The following ZFAT variants were observed in gnomAD, a reference collection of about 807,000 sequenced individuals.
ZFAT encodes zinc finger and AT-hook domain containing, also known as zinc finger protein ZFAT.
ZFAT carries 64 observed loss-of-function variants against 117.7 expected under a neutral mutation model. The ratio of observed to expected loss-of-function variants is 0.54; its 90% CI spans 0.44 to 0.67. The LOEUF (loss-of-function observed/expected upper bound fraction) is 0.67. Among genes scored for constraint, ZFAT ranks in the 30% least tolerant of loss-of-function variants. The pLI, the probability that ZFAT is intolerant of heterozygous loss-of-function variation, is 0.00. For synonymous variants in ZFAT, 679 were observed against 615.0 expected, an observed-to-expected ratio of 1.10 and a Z score of -1.54; for missense variants, 1,433 against 1,584.5, an observed-to-expected ratio of 0.90 and a Z score of 1.62.
chr8:134,600,204 A>T (rs1586787917), intron 7 of ZFAT: 1 of 556,974 alleles, frequency 1.8e-6, no homozygotes, highest in Non-Finnish European at 3.2e-6. Flanking sequence ...TGCTAAAAAA[A>T]TTTGCACAGG....
intron 13 of ZFAT, among the ~76,000 whole-genome samples, chr8:134,519,395 T>C (rs1376564419): frequency 6.6e-6 from 1 of 152,222 alleles, no homozygotes; most frequent in Non-Finnish European, 1.5e-5. Flanking sequence ...CTGTATCAAA[T>C]GGGGGTTTTG....
chr8:134,668,304 C>A (rs796675939), intron 1 of ZFAT, among the ~76,000 whole-genome samples: 9 of 152,222 alleles, frequency 5.9e-5, no homozygotes, highest in African/African-American at 1.4e-4. Context: ...ACGGACAGAC[C>A]CTCAAGTGGG....
chr8:134,541,681 A>G (rs1432807388), intron 11 of ZFAT, among the ~76,000 whole-genome samples: 1 of 152,248 alleles, frequency 6.6e-6, no homozygotes, highest in African/African-American at 2.4e-5. Context: ...GGAGAATACC[A>G]GTGTCTGAGT....
At chr8:134,608,942 G>T in intron 4 of ZFAT, 63 bp from the exon 5 acceptor site, 2 of 1,536,948 alleles carry the variant, frequency 1.3e-6, no homozygotes, top group Non-Finnish European at 1.7e-6. Flanking sequence ...TGACCCCATC[G>T]CAGCAGAGGG....
At chr8:134,629,676 T>C (rs894446555) in intron 3 of ZFAT, among the ~76,000 whole-genome samples, 5 of 152,214 alleles carry the variant, frequency 3.3e-5, no homozygotes, top group Non-Finnish European at 5.9e-5. Context: ...CCTGCCACCA[T>C]ATAAAGACGG....
the ZFAT span, among the ~76,000 whole-genome samples, chr8:134,805,926 G>T: frequency 2.1e-4 from 32 of 152,094 alleles, no homozygotes; most frequent in African/African-American, 7.7e-4. Context: ...GCAGTGAGCT[G>T]AGCTCATGCC....
At chr8:134,659,034 C>T (rs1403377708) in intron 1 of ZFAT, among the ~76,000 whole-genome samples, 3 of 152,234 alleles carry the variant, frequency 2.0e-5, no homozygotes, top group African/African-American at 2.4e-5. Context: ...TGGCTCCCTT[C>T]GGCATCCCCC....
In ZFAT at chr8:134,712,996, G is replaced by A; in HGVS notation, c.-133C>T. ...ATTTTTTTAAGAAAAGAGCCGGCGA[G>A]GTTATGGCGAATCTGCGGCATCCAA... On this transcript the variant is annotated 5_prime_UTR_variant, in exon 1 of 16. Coordinates refer to ENST00000377838, the MANE Select transcript of ZFAT (RefSeq NM_020863.4). 6.3e-6 allele frequency: 7 copies of A among 1,103,928 alleles called. No individual in the cohort carries two copies. The highest frequency in any genetic ancestry group is 8.4e-6 in the Non-Finnish European group (7 of 833,650). The allele number at this position is 1,103,928 out of a possible 1,614,324, so 68.4% of individuals were successfully genotyped here.
Position 134,657,560 on chromosome 8 carries a change from C to T in ZFAT, c.196+1G>A, listed in dbSNP as rs769350371. The T allele has an allele frequency of 1.2e-6, 2 of 1,608,494 alleles. No individual in the cohort carries two copies. The highest frequency in any genetic ancestry group is 8.5e-7 in the Non-Finnish European group (1 of 1,175,988). Reference sequence around the variant, plus strand: ...CCTGCCCCACCCCCCAGCCCCCTTACCATCTCCGGTTTTGCTTGAGTTGGG... The same window carrying T: ...CCTGCCCCACCCCCCAGCCCCCTTATCATCTCCGGTTTTGCTTGAGTTGGG... On this transcript the variant is annotated splice_donor_variant, in intron 2 of 15. Coordinates refer to ENST00000377838, the MANE Select transcript of ZFAT (RefSeq NM_020863.4). LOFTEE classifies it high-confidence loss of function.
At chr8:134,484,277 T>C (rs942041849) in intron 15 of ZFAT, among the ~76,000 whole-genome samples, 1 of 152,206 alleles carries the variant, frequency 6.6e-6, no homozygotes, top group Non-Finnish European at 1.5e-5. Context: ...AGGCACATAG[T>C]AGGTGATGGT....
At chr8:134,502,599 C>T (rs1023924253) in intron 15 of ZFAT, among the ~76,000 whole-genome samples, 4 of 152,232 alleles carry the variant, frequency 2.6e-5, no homozygotes, top group Admixed American at 2.0e-4. Flanking sequence ...TCTCCCAACA[C>T]TGCCAACCAT....
At chr8:134,585,662 G>C (rs906513004) in intron 9 of ZFAT, among the ~76,000 whole-genome samples, 1 of 152,160 alleles carries the variant, frequency 6.6e-6, no homozygotes, top group Non-Finnish European at 1.5e-5. Flanking sequence ...CACTTCCGTG[G>C]ACTCTGTGAC....
intron 2 of ZFAT, among the ~76,000 whole-genome samples, chr8:134,647,861 G>C (rs1163769198): frequency 6.6e-6 from 1 of 151,938 alleles, no homozygotes; most frequent in Non-Finnish European, 1.5e-5. Context: ...ACAAATAAAT[G>C]GAAAGATATC....
chr8:134,625,419 G>A (rs1408140650), intron 3 of ZFAT, among the ~76,000 whole-genome samples: 1 of 152,122 alleles, frequency 6.6e-6, no homozygotes, highest in Non-Finnish European at 1.5e-5. Flanking sequence ...TTCTCCCCCA[G>A]TCCCAAGTCA....
At chr8:134,649,032 C>T (rs1294500789) in intron 2 of ZFAT, among the ~76,000 whole-genome samples, 6 of 151,942 alleles carry the variant, frequency 3.9e-5, no homozygotes, top group Non-Finnish European at 8.8e-5. Flanking sequence ...AAAAAAACCA[C>T]ATGGTCATCT....
chr8:134,494,522 C>T (rs990748246), intron 15 of ZFAT, among the ~76,000 whole-genome samples: 1 of 152,298 alleles, frequency 6.6e-6, no homozygotes, highest in South Asian at 2.1e-4. Flanking sequence ...AAGCAATCTG[C>T]TTCCACTAGC....
intron 1 of ZFAT, among the ~76,000 whole-genome samples, chr8:134,683,782 G>A (rs1265467720): frequency 6.6e-6 from 1 of 152,098 alleles, no homozygotes; most frequent in East Asian, 1.9e-4. Context: ...TCTGGAGACA[G>A]GGGGTGGGGC....
At chr8:134,594,072 C>A (rs1024285477) in intron 7 of ZFAT, among the ~76,000 whole-genome samples, 2 of 152,244 alleles carry the variant, frequency 1.3e-5, no homozygotes, top group African/African-American at 4.8e-5. Context: ...TTCCTTTCCA[C>A]TGGAAATAGT....
At chr8:134,514,928 T>C (rs1308458799) in intron 13 of ZFAT, among the ~76,000 whole-genome samples, 3 of 152,292 alleles carry the variant, frequency 2.0e-5, no homozygotes, top group East Asian at 3.9e-4. Flanking sequence ...TCATCTACAT[T>C]AGGTATTTCT....
Sources: allele counts gnomAD v4.1 joint callset (sites outside exome capture counted in the v4.1 genomes callset), GRCh38; gene constraint gnomAD v4.1.1; transcripts MANE v1.5; gene names NCBI Gene and HGNC (gene_info 2026-07-23, HGNC 2026-07-21).